CSNK1D: variants seen among roughly 807,000 people sequenced by gnomAD.
CSNK1D encodes the protein casein kinase I isoform delta.
In CSNK1D, 16 loss-of-function variants were observed where a neutral mutation model predicts 46.6. The ratio of observed to expected loss-of-function variants is 0.34; its 90% CI spans 0.23 to 0.52. The LOEUF is 0.52. Ranked by LOEUF, CSNK1D falls within the 20% of genes least tolerant of loss-of-function variation. The pLI, the probability that CSNK1D is intolerant of heterozygous loss-of-function variation, is 0.95. For synonymous variants in CSNK1D, 276 were observed against 228.2 expected (o/e 1.21, Z -1.89); for missense variants, 398 against 578.4 (o/e 0.69, Z 3.20).
chr17:82,262,835 C>T (rs1371770358), intron 2 of CSNK1D, among the ~76,000 whole-genome samples: 2 of 152,216 alleles, frequency 1.3e-5, no homozygotes, highest in Non-Finnish European at 2.9e-5. Flanking sequence ...CAGAATTAGG[C>T]CTTTTGCCTT....
Position 82,255,594 on chromosome 17 carries a change from G to C in CSNK1D, c.188-17C>G, listed in dbSNP as rs1280326090. The C allele has an allele frequency of 6.2e-7, 1 of 1,614,148 alleles. No individual in the cohort carries two copies. Among genetic ancestry groups the C allele is most frequent in the South Asian group, 1.1e-5 (1 of 91,088 alleles). On this transcript the variant is annotated splice_polypyrimidine_tract_variant and intron_variant, in intron 2 of 8. Coordinates refer to ENST00000314028, the MANE Select transcript of CSNK1D (RefSeq NM_001893.6). This position sits in a 1 kb window ranked among gnomAD's most constrained non-coding sequence, Gnocchi z 5.9. ...GGATGCCCACTAGGCAAGGAAATCA[G>C]ACACAGTGTTTCAGTCCAGGCCCTG...
chr17:82,243,885 C>G lies in CSNK1D; in HGVS notation c.*896G>C, dbSNP rs560720326. On this transcript the variant is annotated 3_prime_UTR_variant, in exon 9 of 9. Coordinates refer to ENST00000314028, the MANE Select transcript of CSNK1D (RefSeq NM_001893.6). Reference sequence around the variant, plus strand: ...CAGAAACGCATCTTCCACCTTGAATCCTGGGACTCCCAATTGTCCTGCTAG... The same window carrying G: ...CAGAAACGCATCTTCCACCTTGAATGCTGGGACTCCCAATTGTCCTGCTAG... The G allele has an allele frequency of 4.1e-6, 4 of 985,540 alleles. No homozygotes were observed. The highest frequency in any genetic ancestry group is 1.2e-4 in the Admixed American group (2 of 16,278). 61.0% of individuals were successfully genotyped at this position (985,540 alleles called of 1,614,324 possible).
At chr17:82,263,238 C>G (rs922202849) in intron 2 of CSNK1D, among the ~76,000 whole-genome samples, 1 of 152,198 alleles carries the variant, frequency 6.6e-6, no homozygotes, top group African/African-American at 2.4e-5. Context: ...CAGTATCCAC[C>G]AGGTGTCTGT....
intron 2 of CSNK1D, among the ~76,000 whole-genome samples, chr17:82,256,782 C>T (rs1324796071): frequency 6.6e-6 from 1 of 152,056 alleles, no homozygotes; most frequent in Non-Finnish European, 1.5e-5. Flanking sequence ...AAGAACATGT[C>T]TCTTCGGTAT....
At chr17:82,241,182 A>T (rs2050737374), downstream of CSNK1D, among the ~76,000 whole-genome samples, 1 of 152,142 alleles carries the variant, frequency 6.6e-6, no homozygotes, top group Non-Finnish European at 1.5e-5. Context: ...CAGAGGGAGA[A>T]GGGAGGTGTC....
At position 82,249,389 on chromosome 17, in the gene CSNK1D, AC is replaced by A. The variant is rs1568558305; in HGVS notation, c.1057+41del. The A allele has an allele frequency of 1.3e-6, 2 of 1,530,038 alleles. No individual in the cohort carries two copies. The highest frequency in any genetic ancestry group is 4.9e-5 in the East Asian group (2 of 40,876). 94.8% of individuals were successfully genotyped at this position (1,530,038 alleles called of 1,614,324 possible). On this transcript the variant is annotated intron_variant, in intron 7 of 8. Coordinates refer to ENST00000314028, the MANE Select transcript of CSNK1D (RefSeq NM_001893.6). The surrounding 1 kb of genome is among the most constrained non-coding windows in gnomAD (Gnocchi z 6.7). ...CACCAACCCCAAGACACAAGAAGTCACCCCAGAGCCAGCCCCAGAGCGCTGG... is the reference window on the plus strand; with the variant it reads ...CACCAACCCCAAGACACAAGAAGTCACCCAGAGCCAGCCCCAGAGCGCTGG...
rs369273436 is a variant in CSNK1D, at chr17:82,249,259, C to T, written c.1057+172G>A. 55 of 804,042 alleles carry T rather than the reference C, an allele frequency of 6.8e-5. 1 individual carries two copies. The highest frequency in any genetic ancestry group is 1.0e-4 in the African/African-American group (6 of 57,778). 49.8% of individuals were successfully genotyped at this position (804,042 alleles called of 1,614,324 possible). A position where few individuals can be genotyped will look rare whatever the true frequency, so the allele number is the denominator to read the frequency against. On this transcript the variant is annotated intron_variant, in intron 7 of 8. Transcript: ENST00000314028. This position sits in a 1 kb window ranked among gnomAD's most constrained non-coding sequence, Gnocchi z 6.7. ...AGGAATCACGCACACCAGCAGGTGC[C>T]GGCATTTCTAAAGGCGCCTGGGCAG...
downstream of CSNK1D, among the ~76,000 whole-genome samples, chr17:82,242,262 T>C (rs1200162970): frequency 6.6e-6 from 1 of 150,856 alleles, no homozygotes; most frequent in African/African-American, 2.4e-5. Flanking sequence ...TGCAGGGCCA[T>C]CGGGCAGCTC....
chr17:82,265,684 A>G lies in CSNK1D; in HGVS notation c.187+2T>C. ...GTTGCTCTGTGACTGGTAAAGACCT[A>G]CCTCCTCCCTGCATCATCTTGTAGA... is the stretch of plus-strand genomic sequence containing the variant. On this transcript the variant is annotated splice_donor_variant, in intron 2 of 8. Coordinates refer to ENST00000314028, the MANE Select transcript of CSNK1D (RefSeq NM_001893.6). LOFTEE classifies it high-confidence loss of function. 6.2e-7 allele frequency: 1 copy of G among 1,610,424 alleles called. No individual in the cohort carries two copies. Among genetic ancestry groups the G allele is most frequent in the Non-Finnish European group, 8.5e-7 (1 of 1,176,806 alleles).
intron 1 of CSNK1D, among the ~76,000 whole-genome samples, chr17:82,267,528 C>T (rs768109782): frequency 6.6e-5 from 10 of 152,174 alleles, no homozygotes; most frequent in Non-Finnish European, 1.2e-4. Flanking sequence ...CGCCAGTGAC[C>T]ATTCTAGATT....
At chr17:82,257,733 C>T (rs1323116770) in intron 2 of CSNK1D, among the ~76,000 whole-genome samples, 2 of 152,238 alleles carry the variant, frequency 1.3e-5, no homozygotes, top group Non-Finnish European at 2.9e-5. Context: ...AACCTCATCC[C>T]AGAAGAGAGC....
intron 8 of CSNK1D, chr17:82,245,307 C>T: frequency 3.5e-6 from 1 of 286,446 alleles, no homozygotes. Context: ...GCGCGCGTGG[C>T]CGCCGAGGAG....
Position 82,244,484 on chromosome 17 carries a change from G to A in CSNK1D, c.*297C>T. On this transcript the variant is annotated 3_prime_UTR_variant, in exon 9 of 9. Coordinates refer to ENST00000314028, the MANE Select transcript of CSNK1D (RefSeq NM_001893.6). ...GAGTACAGGGCGGCCACCACTGGAG[G>A]GAGCTGAGGCCCTGGAAAAGGAGTC... 7.2e-7 allele frequency: 1 copy of A among 1,384,846 alleles called. No homozygotes were observed. The highest frequency in any genetic ancestry group is 9.4e-7 in the Non-Finnish European group (1 of 1,065,742). 85.8% of individuals were successfully genotyped at this position (1,384,846 alleles called of 1,614,324 possible). A position where few individuals can be genotyped will look rare whatever the true frequency, so the allele number is the denominator to read the frequency against.
intron 2 of CSNK1D, among the ~76,000 whole-genome samples, chr17:82,256,686 T>A (rs1321300640): frequency 6.6e-6 from 1 of 152,108 alleles, no homozygotes; most frequent in Non-Finnish European, 1.5e-5. Flanking sequence ...CACAGTCAAA[T>A]TCAAATGCTG....
intron 2 of CSNK1D, among the ~76,000 whole-genome samples, chr17:82,257,995 C>A (rs1282737011): frequency 1.3e-5 from 2 of 151,954 alleles, no homozygotes; most frequent in African/African-American, 4.8e-5. Context: ...TCACTTAAGT[C>A]CAAGTTTGAG....
Position 82,249,529 on chromosome 17 carries a change from T to G in CSNK1D, c.959A>C (p.Asn320Thr). Residue 320 changes from asparagine (N) to threonine (T), a missense_variant, in exon 7 of 9, where the codon AAC becomes ACC. Physicochemically the swap from Asn to Thr is moderately conservative, Grantham distance 65 (BLOSUM62 0). Coordinates refer to ENST00000314028, the MANE Select transcript of CSNK1D (RefSeq NM_001893.6). The surrounding 1 kb of genome is among the most constrained non-coding windows in gnomAD (Gnocchi z 6.7). Reference sequence around the variant, plus strand: ...GGAAGGGAGGCCGCGGGTAGCCGGGTTCCGCGAGTGTCTCAGCCGCTCCTC... The same window carrying G: ...GGAAGGGAGGCCGCGGGTAGCCGGGGTCCGCGAGTGTCTCAGCCGCTCCTC... Reference protein sequence around the residue: ...DREERLRHSRNPATRGLPSTA... With the variant: ...DREERLRHSRTPATRGLPSTA... The G allele has an allele frequency of 6.5e-7, 1 of 1,545,212 alleles. No homozygotes were observed. Among genetic ancestry groups the G allele is most frequent in the Non-Finnish European group, 8.7e-7 (1 of 1,147,356 alleles).
At chr17:82,256,130 G>T (rs1358900078) in intron 2 of CSNK1D, among the ~76,000 whole-genome samples, 1 of 152,186 alleles carries the variant, frequency 6.6e-6, no homozygotes. Flanking sequence ...ACAAATCAGG[G>T]AAGTGAAAAT....
At chr17:82,271,498 G>A (rs539618246) in intron 1 of CSNK1D, among the ~76,000 whole-genome samples, 1 of 152,310 alleles carries the variant, frequency 6.6e-6, no homozygotes, top group South Asian at 2.1e-4. Context: ...GACTTCCATT[G>A]ACCAAGCACT....
At position 82,253,300 on chromosome 17, in the gene CSNK1D, C is replaced by T. The variant is rs548693481; in HGVS notation, c.337-56G>A. 5.3e-5 allele frequency: 71 copies of T among 1,341,058 alleles called. 1 individual carries two copies. Among genetic ancestry groups the T allele is most frequent in the Admixed American group, 4.2e-4 (25 of 59,672 alleles). 83.1% of individuals were successfully genotyped at this position (1,341,058 alleles called of 1,614,324 possible). On this transcript the variant is annotated intron_variant, in intron 3 of 8. Coordinates refer to ENST00000314028, the MANE Select transcript of CSNK1D (RefSeq NM_001893.6). ...CCCCAGGGCAGTCTCAGGGAGGGAC[C>T]GCTCAACTGTGGGACACTACATCAG...
Sources: allele counts gnomAD v4.1 joint callset (sites outside exome capture counted in the v4.1 genomes callset), GRCh38; gene constraint gnomAD v4.1.1; non-coding constraint Gnocchi (gnomAD v3.1); transcripts MANE v1.5; gene names NCBI Gene and HGNC (gene_info 2026-07-23, HGNC 2026-07-21).